The following CUL5 variants were observed in gnomAD, a reference collection of about 807,000 sequenced individuals.
CUL5 encodes cullin 5, also known as cullin-5.
CUL5 carries 26 observed loss-of-function variants against 108.8 expected under a neutral mutation model. The observed-to-expected ratio is 0.24, with a 90% CI of 0.18 to 0.33. The LOEUF (loss-of-function observed/expected upper bound fraction) is 0.33. CUL5 is among the 10% of genes least tolerant of loss of function. CUL5 has a pLI of 1.00. For synonymous variants in CUL5, 334 were observed against 298.0 expected (o/e 1.12, Z -1.25); for missense variants, 524 against 909.2 (o/e 0.58, Z 5.45).
intron 3 of CUL5, among the ~76,000 whole-genome samples, chr11:108,048,858 G>T (rs1363498338): frequency 6.6e-6 from 1 of 151,632 alleles, no homozygotes; most frequent in Non-Finnish European, 1.5e-5. Flanking sequence ...GTAGAGATGG[G>T]GTTTCACCAT....
chr11:108,098,659 C>T, intron 18 of CUL5, 130 bp downstream of exon 18: 7 of 565,022 alleles, frequency 1.2e-5, no homozygotes, highest in Non-Finnish European at 1.9e-5. Context: ...CACATAATCC[C>T]AACACTTTGG....
chr11:108,078,357 C>G (rs1156400122), intron 11 of CUL5, 117 bp downstream of exon 11: 2 of 478,536 alleles, frequency 4.2e-6, no homozygotes, highest in Non-Finnish European at 7.5e-6. Flanking sequence ...AGTTTTGTGA[C>G]TTTTGCAGCT....
chr11:108,085,065 A>G (rs980275387), intron 11 of CUL5: 2 of 152,188 alleles, frequency 1.3e-5, no homozygotes, highest in Admixed American at 6.5e-5. Context: ...CAACTGTTCT[A>G]CTCTGAGGTG....
chr11:108,053,706 G>A (rs1202174877), intron 5 of CUL5, among the ~76,000 whole-genome samples: 2 of 148,100 alleles, frequency 1.4e-5, no homozygotes, highest in Admixed American at 1.3e-4. Flanking sequence ...AAGAGATGGG[G>A]TTTTGCTCTG....
Position 108,106,613 on chromosome 11 carries a change from C to T in CUL5, c.*2229C>T, listed in dbSNP as rs1377623487. On this transcript the variant is annotated 3_prime_UTR_variant, in exon 19 of 19. Transcript: ENST00000393094. ...GTGTTTATGAAAATCATTTAGTTGA[C>T]AAGGTGCCTATGCCATTGTTAAATT... is the stretch of plus-strand genomic sequence containing the variant. The T allele has an allele frequency of 7.1e-6, 1 of 141,564 alleles. No homozygotes were observed. The highest frequency in any genetic ancestry group is 7.4e-5 in the Admixed American group (1 of 13,580). The allele number at this position is 141,564 out of a possible 1,614,324, so 8.8% of individuals were successfully genotyped here.
At chr11:108,058,894 T>G (rs1863466922) in intron 7 of CUL5, among the ~76,000 whole-genome samples, 1 of 152,204 alleles carries the variant, frequency 6.6e-6, no homozygotes. Flanking sequence ...TGAATGTATT[T>G]AATGTAAAAC....
chr11:108,019,525 T>A (rs551380091), intron 1 of CUL5, among the ~76,000 whole-genome samples: 22 of 152,322 alleles, frequency 1.4e-4, no homozygotes, highest in Middle Eastern at 6.8e-3. Context: ...GGTGGTCTTA[T>A]AGGATTATAA....
At chr11:108,050,921 C>G (rs1254420549) in intron 4 of CUL5, among the ~76,000 whole-genome samples, 1 of 152,180 alleles carries the variant, frequency 6.6e-6, no homozygotes, top group African/African-American at 2.4e-5. Context: ...GTTTCCCTTT[C>G]AGCTCTTCAA....
intron 10 of CUL5, among the ~76,000 whole-genome samples, chr11:108,075,969 G>C (rs1863931803): frequency 6.6e-6 from 1 of 152,088 alleles, no homozygotes; most frequent in African/African-American, 2.4e-5. Context: ...TGTGGCAAGA[G>C]CACCCAAAGT....
intron 2 of CUL5, among the ~76,000 whole-genome samples, chr11:108,044,937 T>C (rs981951796): frequency 6.6e-6 from 1 of 151,890 alleles, no homozygotes; most frequent in African/African-American, 2.4e-5. Context: ...AATTTTTGTA[T>C]TATTAGTAGA....
chr11:108,034,990 G>T (rs1176325757), intron 2 of CUL5, among the ~76,000 whole-genome samples: 1 of 152,070 alleles, frequency 6.6e-6, no homozygotes, highest in African/African-American at 2.4e-5. Flanking sequence ...GAAAACATCA[G>T]TTCCTTTCTG....
At chr11:108,016,569 A>G (rs529390091) in intron 1 of CUL5, among the ~76,000 whole-genome samples, 1 of 152,210 alleles carries the variant, frequency 6.6e-6, no homozygotes, top group Admixed American at 6.5e-5. Context: ...CTTAATAAAT[A>G]TTTTGCTTAG....
chr11:108,037,769 G>A lies in CUL5; in HGVS notation c.134+3858G>A, dbSNP rs182231847. On this transcript the variant is annotated intron_variant, in intron 2 of 18. Coordinates refer to ENST00000393094, the MANE Select transcript of CUL5 (RefSeq NM_003478.6). The stretch of plus-strand genomic sequence containing the variant: ...GGCAGAAGAAAAGGAAGTGTTCAAC[G>A]TAAGTCACACTGTTTGTGTAAACAG... Among the ~76,000 whole-genome samples, 22 of 152,268 alleles carry A rather than the reference G, an allele frequency of 1.4e-4. No individual in the cohort carries two copies. The East Asian group carries it at 3.7e-3, about 25-fold the overall frequency.
intron 13 of CUL5, among the ~76,000 whole-genome samples, chr11:108,090,888 T>C (rs1864336762): frequency 6.6e-6 from 1 of 152,136 alleles, no homozygotes; most frequent in South Asian, 2.1e-4. Flanking sequence ...CTGAAACTGC[T>C]TAGTAGGAAA....
intron 7 of CUL5, among the ~76,000 whole-genome samples, chr11:108,065,532 A>G (rs1225087121): frequency 6.6e-6 from 1 of 152,110 alleles, no homozygotes; most frequent in African/African-American, 2.4e-5. Context: ...CTCCATGGGC[A>G]TGTGTCAGCT....
At chr11:108,058,689 T>C (rs1405593167) in intron 7 of CUL5, among the ~76,000 whole-genome samples, 4 of 152,042 alleles carry the variant, frequency 2.6e-5, no homozygotes, top group Admixed American at 6.6e-5. Context: ...AGTTAAGACC[T>C]GAATGATAGG....
intron 11 of CUL5, among the ~76,000 whole-genome samples, chr11:108,082,108 G>A (rs1565263290): frequency 6.6e-6 from 1 of 152,084 alleles, no homozygotes; most frequent in Non-Finnish European, 1.5e-5. Flanking sequence ...TTTCAGCAGT[G>A]TTTTACAGCT....
intron 2 of CUL5, among the ~76,000 whole-genome samples, chr11:108,038,066 C>T (rs1354867056): frequency 1.3e-5 from 2 of 152,180 alleles, no homozygotes; most frequent in Non-Finnish European, 2.9e-5. Flanking sequence ...TATCAATTAA[C>T]TTATACTTCT....
chr11:108,085,590 C>G (rs564142747), intron 11 of CUL5, among the ~76,000 whole-genome samples: 1 of 152,196 alleles, frequency 6.6e-6, no homozygotes, highest in South Asian at 2.1e-4. Flanking sequence ...CTTTTTTACT[C>G]TTAGTAAAAG....
Sources: gnomAD v4.1 joint callset for allele counts (sites outside exome capture counted in the v4.1 genomes callset) on GRCh38, gnomAD v4.1.1 for gene constraint, MANE v1.5 for transcripts, NCBI Gene and HGNC (gene_info 2026-07-23, HGNC 2026-07-21) for gene names.